The following NCKAP5 variants were observed in gnomAD, a reference collection of about 807,000 sequenced individuals.
NCKAP5 encodes the protein nck-associated protein 5.
NCKAP5 carries 92 observed loss-of-function variants against 167.0 expected under a neutral mutation model. The ratio of observed to expected loss-of-function variants is 0.55; its 90% CI spans 0.47 to 0.66. NCKAP5 has a LOEUF of 0.66. NCKAP5 is among the 30% of genes least tolerant of loss of function. NCKAP5 has a pLI of 0.00. For synonymous variants in NCKAP5, 891 were observed against 877.4 expected (o/e 1.02, Z -0.27); for missense variants, 2,378 against 2,315.0 (o/e 1.03, Z -0.56).
chr2:133,544,354 G>A (rs1686480060), intron 2 of NCKAP5, among the ~76,000 whole-genome samples: 1 of 152,040 alleles, frequency 6.6e-6, no homozygotes, highest in South Asian at 2.1e-4. Flanking sequence ...TCTTCTTAAA[G>A]TAAAAAGTTA....
chr2:133,346,075 A>G (rs1361810491), intron 3 of NCKAP5, among the ~76,000 whole-genome samples: 3 of 152,152 alleles, frequency 2.0e-5, no homozygotes, highest in Non-Finnish European at 4.4e-5. Context: ...ATTATATTCT[A>G]AATCTGACAA....
chr2:133,179,116 C>G (rs1009908154), intron 5 of NCKAP5, among the ~76,000 whole-genome samples: 1 of 149,334 alleles, frequency 6.7e-6, no homozygotes, highest in African/African-American at 2.4e-5. Context: ...CAAAGCCACA[C>G]AGACCCTGTC....
At chr2:133,599,477 A>C in the NCKAP5 span, among the ~76,000 whole-genome samples, 3 of 152,162 alleles carry the variant, frequency 2.0e-5, no homozygotes, top group Admixed American at 2.0e-4. Flanking sequence ...GGAATACAGG[A>C]GTCTGGCTTG....
At chr2:132,819,104 T>A (rs1319302993) in intron 11 of NCKAP5, among the ~76,000 whole-genome samples, 1 of 151,912 alleles carries the variant, frequency 6.6e-6, no homozygotes, top group Non-Finnish European at 1.5e-5. Flanking sequence ...GAAAAAAAAA[T>A]GGTCTATGGT....
At chr2:132,725,601 G>A (rs1313006748) in intron 19 of NCKAP5, 26 bp downstream of exon 19, 2 of 1,598,042 alleles carry the variant, frequency 1.3e-6, no homozygotes, top group East Asian at 2.3e-5. Context: ...GGAACCTGCA[G>A]GGCCAGCAAG....
At chr2:132,738,823 C>T (rs1467108920) in intron 16 of NCKAP5, among the ~76,000 whole-genome samples, 2 of 151,982 alleles carry the variant, frequency 1.3e-5, no homozygotes. Context: ...GTGCCAGACT[C>T]TTTTAAACAA....
intron 3 of NCKAP5, among the ~76,000 whole-genome samples, chr2:133,363,855 T>C (rs1010936335): frequency 3.3e-5 from 5 of 152,202 alleles, no homozygotes; most frequent in Non-Finnish European, 4.4e-5. Context: ...CTGTTTTACA[T>C]GTATTACCTT....
chr2:133,195,865 G>A (rs1027294767), intron 5 of NCKAP5, among the ~76,000 whole-genome samples: 19 of 152,084 alleles, frequency 1.2e-4, no homozygotes, highest in African/African-American at 4.6e-4. Context: ...ACCTTAACAA[G>A]GAAAATAAGA....
chr2:133,523,962 A>C (rs1360487661), intron 2 of NCKAP5, among the ~76,000 whole-genome samples: 5 of 152,142 alleles, frequency 3.3e-5, no homozygotes, highest in Admixed American at 3.3e-4. Flanking sequence ...GATCACTTGA[A>C]TCTCTGGGGT....
At chr2:133,517,256 A>G (rs1178149688) in intron 3 of NCKAP5, among the ~76,000 whole-genome samples, 2 of 152,346 alleles carry the variant, frequency 1.3e-5, no homozygotes, top group East Asian at 1.9e-4. Context: ...ACATTTGCCT[A>G]TTAAGACACT....
chr2:132,702,780 C>T (rs1211708348), intron 19 of NCKAP5, among the ~76,000 whole-genome samples: 1 of 152,184 alleles, frequency 6.6e-6, no homozygotes, highest in Non-Finnish European at 1.5e-5. Flanking sequence ...CTGTGATTTC[C>T]AAACCTCCCA....
At chr2:133,539,403 T>TA (rs1366512683) in intron 2 of NCKAP5, among the ~76,000 whole-genome samples, 1 of 151,936 alleles carries the variant, frequency 6.6e-6, no homozygotes, top group African/African-American at 2.4e-5. Context: ...ATTGACAGTT[T>TA]AAAGCACACA....
chr2:132,676,416 CTT>C (rs1325177080), intron 19 of NCKAP5, among the ~76,000 whole-genome samples: 3 of 144,094 alleles, frequency 2.1e-5, no homozygotes, highest in Admixed American at 7.3e-5. Flanking sequence ...TCAGTGGAGA[CTT>C]TGCCTAGGAT....
chr2:132,803,663 A>G (rs558933689), intron 11 of NCKAP5, among the ~76,000 whole-genome samples: 4 of 152,236 alleles, frequency 2.6e-5, no homozygotes, highest in Non-Finnish European at 5.9e-5. Context: ...CAAGGCCCAC[A>G]GGGTGAGCAC....
chr2:132,675,726 C>T (rs955071992), intron 19 of NCKAP5, among the ~76,000 whole-genome samples: 1 of 151,984 alleles, frequency 6.6e-6, no homozygotes, highest in Non-Finnish European at 1.5e-5. Context: ...TTAAAACACT[C>T]ACTGTCATCA....
At chr2:133,021,563 G>A (rs1046857880) in intron 6 of NCKAP5, among the ~76,000 whole-genome samples, 1 of 152,230 alleles carries the variant, frequency 6.6e-6, no homozygotes, top group Non-Finnish European at 1.5e-5. Flanking sequence ...TGTATACACA[G>A]GCACACATGC....
intron 2 of NCKAP5, among the ~76,000 whole-genome samples, chr2:133,550,946 C>T (rs905382694): frequency 1.4e-4 from 22 of 151,924 alleles, no homozygotes; most frequent in African/African-American, 5.1e-4. Context: ...CATTCTTATA[C>T]ACCAACAACA....
chr2:132,970,458 T>C (rs1202809835), intron 7 of NCKAP5, among the ~76,000 whole-genome samples: 1 of 152,042 alleles, frequency 6.6e-6, no homozygotes, highest in Non-Finnish European at 1.5e-5. Flanking sequence ...TTTTATGGAG[T>C]TTAATCAAGA....
At chr2:133,481,206 T>C (rs1222547003) in intron 3 of NCKAP5, among the ~76,000 whole-genome samples, 2 of 152,178 alleles carry the variant, frequency 1.3e-5, no homozygotes, top group Non-Finnish European at 2.9e-5. Context: ...ATGGATGGGC[T>C]GCACAGTCAT....
Sources: gnomAD v4.1 joint callset for allele counts (sites outside exome capture counted in the v4.1 genomes callset) on GRCh38, gnomAD v4.1.1 for gene constraint, MANE v1.5 for transcripts, NCBI Gene and HGNC (gene_info 2026-07-23, HGNC 2026-07-21) for gene names.